Variants in SRRM4 observed in about 807,000 individuals in gnomAD.
SRRM4 encodes serine/arginine repetitive matrix 4.
SRRM4 carries 33 observed loss-of-function variants against 68.9 expected under a neutral mutation model. The observed-to-expected ratio is 0.48, with a 90% CI of 0.36 to 0.64. The LOEUF is 0.64. SRRM4 is among the 30% of genes least tolerant of loss of function. The probability of loss-of-function intolerance (pLI) is 0.00; values close to 1 mark genes in which losing one functional copy is unlikely to be tolerated. For synonymous variants in SRRM4, 318 were observed against 318.8 expected (o/e 1.00, Z 0.03); for missense variants, 817 against 827.1 (o/e 0.99, Z 0.15).
intron 1 of SRRM4, among the ~76,000 whole-genome samples, chr12:119,065,923 AAGGT>A (rs1403083737): frequency 6.6e-6 from 1 of 152,004 alleles, no homozygotes; most frequent in Non-Finnish European, 1.5e-5. Flanking sequence ...TGAATTAATG[AAGGT>A]ATTTTCCACT....
At chr12:119,049,669 C>T (rs954834187) in intron 1 of SRRM4, among the ~76,000 whole-genome samples, 1 of 152,208 alleles carries the variant, frequency 6.6e-6, no homozygotes, top group East Asian at 1.9e-4. Context: ...CAAAATGCCA[C>T]AGACTGAGTG....
chr12:119,086,780 A>G (rs184813530), intron 1 of SRRM4, among the ~76,000 whole-genome samples: 87 of 152,214 alleles, frequency 5.7e-4, no homozygotes, highest in Non-Finnish European at 4.9e-4. Context: ...GGCAACGAAT[A>G]CCCCCAGAGT....
At chr12:119,090,433 T>A (rs1954007964) in intron 1 of SRRM4, among the ~76,000 whole-genome samples, 2 of 152,098 alleles carry the variant, frequency 1.3e-5, no homozygotes, top group African/African-American at 4.8e-5. Flanking sequence ...AGCCTGATCC[T>A]AAGGGGAGCT....
At chr12:119,150,919 G>A in intron 9 of SRRM4, 98 bp from the exon 10 acceptor site, 2 of 1,095,980 alleles carry the variant, frequency 1.8e-6, no homozygotes, top group Non-Finnish European at 2.7e-6. Flanking sequence ...AGGGTTCTAT[G>A]AGAGCACCAC....
chr12:119,134,995 G>T (rs973159009), intron 8 of SRRM4, among the ~76,000 whole-genome samples: 4 of 152,112 alleles, frequency 2.6e-5, no homozygotes. Context: ...GCCTCATTTG[G>T]TACCTAAAAC....
In SRRM4 at chr12:119,145,388, G is replaced by A; in HGVS notation, c.779G>A (p.Gly260Glu). 1 of 1,602,378 alleles carries A rather than the reference G, an allele frequency of 6.2e-7. No homozygotes were observed. The highest frequency in any genetic ancestry group is 8.5e-7 in the Non-Finnish European group (1 of 1,174,200). ...GGGTCTTTTTGCTTTCAGATCACTG[G>A]GTCGGGGTCTGCTGCTGACCTCTTT... ...GYLSARGVIT[G>E]SGSAADLFTK... The change falls in exon 9 of 13, where the codon GGG (glycine) becomes GAG (glutamate). Residue 260 changes from glycine to glutamate, a missense_variant. Gly to Glu is a moderately conservative substitution (Grantham distance 98). Coordinates refer to ENST00000267260, the MANE Select transcript of SRRM4 (RefSeq NM_194286.4).
rs529370779 is a variant in SRRM4, at chr12:119,004,686, C to T, written c.131+22673C>T. Among the ~76,000 whole-genome samples, 15 of 151,974 alleles carry T rather than the reference C, an allele frequency of 9.9e-5. No homozygotes were observed. The South Asian group carries it at 1.0e-3, about 11-fold the overall frequency. ...TGGCAGCCCATTCAACAAGTCAGCC[C>T]GGCTGATAGCTAGGACTCCTTTTCT... On this transcript the variant is annotated intron_variant, in intron 1 of 12. Transcript: ENST00000267260.
intron 1 of SRRM4, among the ~76,000 whole-genome samples, chr12:119,015,615 C>A (rs2135999277): frequency 6.6e-6 from 1 of 151,944 alleles, no homozygotes; most frequent in Admixed American, 6.6e-5. Context: ...TTAGAACTAC[C>A]CTGTTATTTT....
At chr12:119,094,950 C>T (rs2136038611) in intron 1 of SRRM4, among the ~76,000 whole-genome samples, 1 of 152,304 alleles carries the variant, frequency 6.6e-6, no homozygotes, top group East Asian at 1.9e-4. Context: ...ATAAAACTTC[C>T]TTTCATTTTT....
At chr12:119,002,455 C>T (rs1953390845) in intron 1 of SRRM4, among the ~76,000 whole-genome samples, 1 of 152,150 alleles carries the variant, frequency 6.6e-6, no homozygotes, top group South Asian at 2.1e-4. Flanking sequence ...GGGATGGATT[C>T]ATTCTCTCCA....
intron 1 of SRRM4, among the ~76,000 whole-genome samples, chr12:118,982,672 TTTTTTTG>T (rs1217228970): frequency 3.1e-4 from 24 of 78,136 alleles, no homozygotes; most frequent in Admixed American, 7.2e-4. Context: ...TTATTTTGTT[TTTTTTTG>T]TTTTTTTTTT....
At chr12:119,088,840 G>A (rs920685121) in intron 1 of SRRM4, among the ~76,000 whole-genome samples, 1 of 152,156 alleles carries the variant, frequency 6.6e-6, no homozygotes, top group Non-Finnish European at 1.5e-5. Flanking sequence ...GGTCCCAAAG[G>A]CTATTTACAA....
Position 119,115,128 on chromosome 12 carries a change from A to G in SRRM4, c.365+764A>G, listed in dbSNP as rs551320151. On this transcript the variant is annotated intron_variant, in intron 3 of 12. Coordinates refer to ENST00000267260, the MANE Select transcript of SRRM4 (RefSeq NM_194286.4). ...TTTAGAGATGAGAAAATAAAGGCTCACAGAGGTGGTGACAGGATCTACAGG... is the reference window on the plus strand; with the variant it reads ...TTTAGAGATGAGAAAATAAAGGCTCGCAGAGGTGGTGACAGGATCTACAGG... 6.6e-5 allele frequency among the ~76,000 whole-genome samples: 10 copies of G among 152,140 alleles called. No individual in the cohort carries two copies. In the South Asian group the frequency reaches 2.1e-3, roughly 32 times the overall value.
intron 1 of SRRM4, among the ~76,000 whole-genome samples, chr12:119,036,136 T>C (rs1347724429): frequency 6.6e-6 from 1 of 152,212 alleles, no homozygotes; most frequent in African/African-American, 2.4e-5. Context: ...TTTCTTGTTT[T>C]TGGGGAAGCT....
At chr12:119,120,918 C>G (rs1470675201) in intron 5 of SRRM4, among the ~76,000 whole-genome samples, 1 of 152,162 alleles carries the variant, frequency 6.6e-6, no homozygotes, top group East Asian at 1.9e-4. Flanking sequence ...AGGGGAGTGA[C>G]GATGGCTTCT....
Position 119,102,311 on chromosome 12 carries a change from C to T in SRRM4, c.207C>T (p.Thr69=), listed in dbSNP as rs373924054. 1.3e-4 allele frequency: 212 copies of T among 1,613,456 alleles called. No individual in the cohort carries two copies. The highest frequency in any genetic ancestry group is 1.7e-4 in the Admixed American group (10 of 59,970). Residue 69 remains threonine (T), a synonymous_variant, in exon 2 of 13, where the codon ACC becomes ACT. Coordinates refer to ENST00000267260, the MANE Select transcript of SRRM4 (RefSeq NM_194286.4). ...AAAAGCTGGGTCAGCATCTGGCCACCGAGCCCTTGGGCACCAACAGTTGGG... is the reference window on the plus strand; with the variant it reads ...AAAAGCTGGGTCAGCATCTGGCCACTGAGCCCTTGGGCACCAACAGTTGGG... ...PSEKLGQHLA[T]EPLGTNSWER... is the part of the protein sequence containing the mutation.
In SRRM4 at chr12:119,158,967, T is replaced by TTGTGTGTGTGTGTGTGTGTGTGTG. The variant is rs57550768; in HGVS notation, c.*2197_*2220dup. The TTGTGTGTGTGTGTGTGTGTGTGTG allele has an allele frequency of 7.3e-6, 1 of 137,122 alleles. No individual in the cohort carries two copies. Among genetic ancestry groups the TTGTGTGTGTGTGTGTGTGTGTGTG allele is most frequent in the Admixed American group, 7.2e-5 (1 of 13,818 alleles). 8.5% of individuals were successfully genotyped at this position (137,122 alleles called of 1,614,324 possible). On this transcript the variant is annotated 3_prime_UTR_variant, in exon 13 of 13. Coordinates refer to ENST00000267260, the MANE Select transcript of SRRM4 (RefSeq NM_194286.4). ...TGAATTATTTATTTATACAGAGGTT[T>TTGTGTGTGTGTGTGTGTGTGTGTG]TGTGTGTGTGTGTGTGTGTGTGTGT... is the stretch of plus-strand genomic sequence containing the variant.
chr12:119,151,588 A>C (rs548636561), intron 10 of SRRM4, among the ~76,000 whole-genome samples: 75 of 152,292 alleles, frequency 4.9e-4, no homozygotes, highest in Middle Eastern at 3.4e-3. Flanking sequence ...AGCATCTTTA[A>C]AACAAGTGCT....
At chr12:119,151,381 T>C (rs1363780282) in intron 10 of SRRM4, among the ~76,000 whole-genome samples, 161 bp downstream of exon 10, 1 of 152,156 alleles carries the variant, frequency 6.6e-6, no homozygotes, top group Non-Finnish European at 1.5e-5. Flanking sequence ...AGTCAGTTAA[T>C]TTCTCTGAAC....
Sources: gnomAD v4.1 joint callset for allele counts (sites outside exome capture counted in the v4.1 genomes callset) on GRCh38, gnomAD v4.1.1 for gene constraint, MANE v1.5 for transcripts, NCBI Gene and HGNC (gene_info 2026-07-23, HGNC 2026-07-21) for gene names.